The following METTL22 variants were observed in gnomAD, a reference collection of about 807,000 sequenced individuals.
METTL22 encodes methyltransferase-like protein 22.
Under a neutral mutation model 48.4 loss-of-function variants are expected in METTL22, and 51 were observed. That is an observed-to-expected ratio of 1.05 (90% confidence interval 0.84 to 1.33). The LOEUF is 1.33. Ranked by LOEUF, METTL22 falls within the 40% of genes most tolerant of loss-of-function variation. The pLI is 0.00. For missense variants in METTL22, 678 were observed against 526.9 expected, an observed-to-expected ratio of 1.29 and a Z score of -2.81; for synonymous variants, 255 against 214.1, an observed-to-expected ratio of 1.19 and a Z score of -1.67.
intron 3 of METTL22, chr16:8,631,152 C>T (rs1367584921): frequency 3.9e-5 from 6 of 152,092 alleles, no homozygotes; most frequent in South Asian, 2.1e-4. Context: ...TCCTCTGACC[C>T]GTAAATCAAC....
At chr16:8,652,840 T>C (rs2056919184), downstream of METTL22, among the ~76,000 whole-genome samples, 1 of 152,196 alleles carries the variant, frequency 6.6e-6, no homozygotes, top group Non-Finnish European at 1.5e-5. Context: ...ACATCTTGGC[T>C]GTCGGCTGCA....
downstream of METTL22, among the ~76,000 whole-genome samples, chr16:8,651,044 TG>T (rs2056887181): frequency 6.8e-6 from 1 of 146,614 alleles, no homozygotes; most frequent in African/African-American, 2.5e-5. Context: ...AATAAATAAA[TG>T]GGAAAAAAAG....
the METTL22 span, chr16:8,666,764 TTTTCTTTC>T: frequency 2.7e-5 from 4 of 146,528 alleles, no homozygotes; most frequent in African/African-American, 5.1e-5. Flanking sequence ...CCTGATTTTC[TTTTCTTTC>T]TTTCTTTCTT....
the METTL22 span, among the ~76,000 whole-genome samples, chr16:8,663,225 A>AAAAAAAAAAT: frequency 2.4e-5 from 3 of 123,468 alleles, no homozygotes; most frequent in African/African-American, 6.2e-5. Flanking sequence ...AAAAAAAAAA[A>AAAAAAAAAAT]GGTAGCCAAG....
intron 6 of METTL22, chr16:8,639,488 T>C: frequency 5.6e-6 from 2 of 356,850 alleles, no homozygotes; most frequent in East Asian, 5.2e-5. Context: ...GAGTGCCCTT[T>C]CTCAGATGCA....
the METTL22 span, among the ~76,000 whole-genome samples, chr16:8,659,008 C>A: frequency 3.9e-5 from 6 of 152,146 alleles, no homozygotes; most frequent in African/African-American, 1.4e-4. Context: ...ACAAAGCCTT[C>A]CCCAGTGTCC....
At chr16:8,661,160 A>T in the METTL22 span, among the ~76,000 whole-genome samples, 59 of 151,760 alleles carry the variant, frequency 3.9e-4, no homozygotes, top group Middle Eastern at 3.4e-3. Context: ...TCATGAATCC[A>T]GGGCCAGACG....
chr16:8,645,198 T>C (rs1431774163), intron 10 of METTL22, among the ~76,000 whole-genome samples: 1 of 152,206 alleles, frequency 6.6e-6, no homozygotes, highest in African/African-American at 2.4e-5. Flanking sequence ...TTAACTTCTT[T>C]TGTTCTGTTT....
chr16:8,644,666 G>C lies in METTL22; in HGVS notation c.1120G>C (p.Val374Leu). ...CGCAGATGGCAAGCTGCGCTTCGTGGTGGAGCCCGTGGAGGCCTCCTTCCC... is the reference window on the plus strand; with the variant it reads ...CGCAGATGGCAAGCTGCGCTTCGTGCTGGAGCCCGTGGAGGCCTCCTTCCC... ...QLADGKLRFVVEPVEASFPQL... is the reference protein window; with the variant it reads ...QLADGKLRFVLEPVEASFPQL... Residue 374 changes from valine (V) to leucine (L), a missense_variant, in exon 10 of 11, where the codon GTG (valine) becomes CTG (leucine). By Grantham distance (32) the Val-to-Leu change is conservative. Transcript: ENST00000381920. 2 of 1,606,016 alleles carry C rather than the reference G, an allele frequency of 1.2e-6. No individual in the cohort carries two copies. Among genetic ancestry groups the C allele is most frequent in the Non-Finnish European group, 8.5e-7 (1 of 1,176,414 alleles).
At chr16:8,656,533 T>C in the METTL22 span, among the ~76,000 whole-genome samples, 1 of 152,248 alleles carries the variant, frequency 6.6e-6, no homozygotes, top group Non-Finnish European at 1.5e-5. Context: ...TAAGATTCTC[T>C]GCTTCTGAGA....
intron 1 of METTL22, among the ~76,000 whole-genome samples, chr16:8,623,208 G>A (rs1223070969): frequency 6.6e-6 from 1 of 151,836 alleles, no homozygotes; most frequent in Non-Finnish European, 1.5e-5. Flanking sequence ...CAGTTACTCG[G>A]GACTCTGAGG....
At chr16:8,655,385 T>C in the METTL22 span, among the ~76,000 whole-genome samples, 1 of 152,230 alleles carries the variant, frequency 6.6e-6, no homozygotes, top group East Asian at 1.9e-4. Context: ...GACCACAGAC[T>C]TCTCTCATTT....
chr16:8,626,234 C>T (rs564874368), intron 2 of METTL22, among the ~76,000 whole-genome samples: 1 of 152,276 alleles, frequency 6.6e-6, no homozygotes, highest in East Asian at 1.9e-4. Flanking sequence ...AGCAACCCTC[C>T]CACCTTAGCC....
Position 8,635,318 on chromosome 16 carries a change from G to A in METTL22, c.700+6G>A. 1.3e-6 allele frequency: 2 copies of A among 1,544,080 alleles called. No individual in the cohort carries two copies. The highest frequency in any genetic ancestry group is 2.4e-5 in the South Asian group (2 of 82,860). ...ACGGACCGTTTATTGTACAGGTAAT[G>A]AGGTGACATCTCAGGCTGCAGGGAA... On this transcript the variant is annotated splice_donor_region_variant and intron_variant, in intron 5 of 10. Transcript: ENST00000381920.
chr16:8,642,606 G>A (rs2056658731), intron 9 of METTL22, 41 bp downstream of exon 9: 2 of 1,577,522 alleles, frequency 1.3e-6, no homozygotes, highest in Non-Finnish European at 8.7e-7. Context: ...CGTCCCGAGT[G>A]TCAGCGGAAC....
At chr16:8,664,615 G>T in the METTL22 span, among the ~76,000 whole-genome samples, 1 of 152,136 alleles carries the variant, frequency 6.6e-6, no homozygotes, top group African/African-American at 2.4e-5. Flanking sequence ...ACCACACCAG[G>T]CTAATTTATT....
At chr16:8,663,663 C>T in the METTL22 span, among the ~76,000 whole-genome samples, 1 of 152,212 alleles carries the variant, frequency 6.6e-6, no homozygotes, top group Non-Finnish European at 1.5e-5. Flanking sequence ...CTTCACAGCC[C>T]TGTGGGGTAA....
At chr16:8,664,132 G>T in the METTL22 span, among the ~76,000 whole-genome samples, 4 of 151,174 alleles carry the variant, frequency 2.6e-5, no homozygotes, top group Admixed American at 6.6e-5. Flanking sequence ...CTGTTTCCCA[G>T]GCTGAAGTGC....
downstream of METTL22, among the ~76,000 whole-genome samples, chr16:8,654,303 C>G (rs182134930): frequency 5.3e-5 from 8 of 152,288 alleles, no homozygotes; most frequent in East Asian, 9.7e-4. Context: ...TTCACCACTC[C>G]TGGTAATTTG....
Sources: allele counts gnomAD v4.1 joint callset (sites outside exome capture counted in the v4.1 genomes callset), GRCh38; gene constraint gnomAD v4.1.1; transcripts MANE v1.5; gene names NCBI Gene and HGNC (gene_info 2026-07-23, HGNC 2026-07-21).